SMG6: variants seen among roughly 807,000 people sequenced by gnomAD.
SMG6 encodes the protein telomerase-binding protein EST1A.
Under a neutral mutation model 142.2 loss-of-function variants are expected in SMG6, and 66 were observed. The observed-to-expected ratio is 0.46, with a 90% confidence interval of 0.38 to 0.57. The LOEUF (loss-of-function observed/expected upper bound fraction) is 0.57. Among genes scored for constraint, SMG6 ranks in the 20% least tolerant of loss-of-function variants. SMG6 has a pLI of 0.00. For missense variants in SMG6, 1,793 were observed against 1,832.0 expected, an observed-to-expected ratio of 0.98 and a Z score of 0.39; for synonymous variants, 779 against 702.4, an observed-to-expected ratio of 1.11 and a Z score of -1.72.
chr17:2,156,036 AC>A (rs1353959231), intron 13 of SMG6, among the ~76,000 whole-genome samples: 4 of 133,924 alleles, frequency 3.0e-5, no homozygotes, highest in South Asian at 4.7e-4. Context: ...TGTTTTCTTT[AC>A]CTTTTTTTTT....
chr17:2,226,030 C>T (rs956467586), intron 10 of SMG6, among the ~76,000 whole-genome samples: 1 of 152,180 alleles, frequency 6.6e-6, no homozygotes, highest in Non-Finnish European at 1.5e-5. Context: ...CAAGTGGGCA[C>T]TTTGGGAGGC....
chr17:2,285,668 C>T (rs1027395461), intron 6 of SMG6, among the ~76,000 whole-genome samples: 5 of 151,932 alleles, frequency 3.3e-5, no homozygotes, highest in Non-Finnish European at 7.4e-5. Flanking sequence ...GTGAGACCCT[C>T]TTTTCTTTTT....
intron 10 of SMG6, among the ~76,000 whole-genome samples, chr17:2,230,117 C>A (rs1338313250): frequency 7.4e-6 from 1 of 135,646 alleles, no homozygotes; most frequent in African/African-American, 2.8e-5. Flanking sequence ...ACCCAGGAGG[C>A]AGAGGTTGCA....
intron 13 of SMG6, among the ~76,000 whole-genome samples, chr17:2,092,467 C>T (rs924728362): frequency 6.6e-6 from 1 of 152,206 alleles, no homozygotes; most frequent in African/African-American, 2.4e-5. Flanking sequence ...CAGATGCCTG[C>T]TGTCCCCACC....
intron 13 of SMG6, among the ~76,000 whole-genome samples, chr17:2,123,669 G>C (rs551412880): frequency 6.6e-6 from 1 of 152,282 alleles, no homozygotes; most frequent in South Asian, 2.1e-4. Context: ...CTCTCCCAGG[G>C]AAGAGAATGG....
intron 15 of SMG6, among the ~76,000 whole-genome samples, chr17:2,081,422 C>T (rs1242468324): frequency 6.6e-6 from 1 of 152,162 alleles, no homozygotes; most frequent in African/African-American, 2.4e-5. Flanking sequence ...GCCATCCTCT[C>T]CCTGGGAACA....
At chr17:2,130,704 G>T (rs2070092709) in intron 13 of SMG6, among the ~76,000 whole-genome samples, 1 of 150,406 alleles carries the variant, frequency 6.6e-6, no homozygotes, top group Non-Finnish European at 1.5e-5. Context: ...ATGTAAAATT[G>T]CAATTACTCT....
intron 9 of SMG6, 64 bp from the exon 10 acceptor site, chr17:2,236,701 TCACACACACACACACA>T (rs71150853): frequency 0.13 from 126,620 of 957,374 alleles, 6,349 homozygotes; most frequent in Admixed American, 0.18. Flanking sequence ...TCACTCTGTC[TCACACACACACACACA>T]CACACACACA....
intron 8 of SMG6, among the ~76,000 whole-genome samples, chr17:2,277,975 G>A (rs190005309): frequency 5.6e-4 from 85 of 152,222 alleles, no homozygotes; most frequent in Non-Finnish European, 8.8e-4. Context: ...TTGAGCCCAG[G>A]AAATAGAGGC....
chr17:2,173,334 T>C (rs1390488248), intron 12 of SMG6, among the ~76,000 whole-genome samples: 1 of 152,180 alleles, frequency 6.6e-6, no homozygotes, highest in African/African-American at 2.4e-5. Context: ...GCAAGAGTCA[T>C]GCATGTTTTC....
intron 13 of SMG6, among the ~76,000 whole-genome samples, chr17:2,118,892 T>C (rs1296977114): frequency 7.7e-6 from 1 of 129,176 alleles, no homozygotes; most frequent in East Asian, 2.1e-4. Context: ...CCTGGCTCAA[T>C]GTAGCTTTTT....
At chr17:2,207,453 C>A (rs2072723288) in intron 10 of SMG6, among the ~76,000 whole-genome samples, 2 of 151,998 alleles carry the variant, frequency 1.3e-5, no homozygotes, top group South Asian at 4.1e-4. Flanking sequence ...GTCAGAGAAA[C>A]CCAAATGCAA....
At chr17:2,227,201 T>C (rs531926629) in intron 10 of SMG6, among the ~76,000 whole-genome samples, 20 of 152,354 alleles carry the variant, frequency 1.3e-4, no homozygotes, top group African/African-American at 4.8e-4. Context: ...ACATGCCATA[T>C]GATCCGGCAA....
chr17:2,104,897 T>C (rs151281668), intron 13 of SMG6, among the ~76,000 whole-genome samples: 1 of 151,818 alleles, frequency 6.6e-6, no homozygotes, highest in South Asian at 2.1e-4. Flanking sequence ...ACAAAGAGTA[T>C]AGGGAAAGGT....
intron 8 of SMG6, among the ~76,000 whole-genome samples, chr17:2,250,515 G>A (rs2074023384): frequency 6.6e-6 from 1 of 151,848 alleles, no homozygotes; most frequent in Admixed American, 6.6e-5. Context: ...AGCCTTCTAA[G>A]TAGCTGGGCC....
chr17:2,117,911 G>A (rs1046495943), intron 13 of SMG6: 4 of 152,068 alleles, frequency 2.6e-5, no homozygotes, highest in South Asian at 2.1e-4. Context: ...CCATATGGGG[G>A]GAAAAAAGTT....
At chr17:2,073,586 G>A (rs2068171801) in intron 15 of SMG6, among the ~76,000 whole-genome samples, 1 of 151,490 alleles carries the variant, frequency 6.6e-6, no homozygotes, top group African/African-American at 2.4e-5. Context: ...GCTCATGCCT[G>A]TAATCCCAGC....
At chr17:2,288,347 T>TG (rs2074953289) in intron 6 of SMG6, among the ~76,000 whole-genome samples, 1 of 146,714 alleles carries the variant, frequency 6.8e-6, no homozygotes, top group Admixed American at 6.8e-5. Context: ...AGCCCGGGAG[T>TG]GGTGGCTCAT....
At chr17:2,247,931 A>AACAAACAC (rs1197887775) in intron 8 of SMG6, among the ~76,000 whole-genome samples, 7 of 151,744 alleles carry the variant, frequency 4.6e-5, no homozygotes, top group African/African-American at 1.7e-4. Flanking sequence ...GTATCTGTTA[A>AACAAACAC]ACAAACAAAC....
Sources: gnomAD v4.1 joint callset for allele counts (sites outside exome capture counted in the v4.1 genomes callset) on GRCh38, gnomAD v4.1.1 for gene constraint, MANE v1.5 for transcripts, NCBI Gene and HGNC (gene_info 2026-07-23, HGNC 2026-07-21) for gene names.